COL23A1: variants seen among roughly 807,000 people sequenced by gnomAD.
COL23A1 encodes collagen type XXIII alpha 1 chain.
In COL23A1, 97 loss-of-function variants were observed where a neutral mutation model predicts 99.3. That is an observed-to-expected ratio of 0.98 (90% confidence interval 0.83 to 1.16). COL23A1 has a LOEUF of 1.16. Ranked by LOEUF, COL23A1 falls within the 50% of genes most tolerant of loss-of-function variation. The probability of loss-of-function intolerance (pLI) is 0.00; values close to 1 mark genes in which losing one functional copy is unlikely to be tolerated. For synonymous variants in COL23A1, 320 were observed against 308.2 expected, an observed-to-expected ratio of 1.04 and a Z score of -0.40; for missense variants, 762 against 757.4, an observed-to-expected ratio of 1.01 and a Z score of -0.07.
intron 2 of COL23A1, among the ~76,000 whole-genome samples, chr5:178,553,169 TAAAA>T (rs55857926): frequency 3.0e-5 from 4 of 135,064 alleles, no homozygotes; most frequent in Non-Finnish European, 6.2e-5. Flanking sequence ...GATCCTATCT[TAAAA>T]AAAAAAAAAA....
intron 2 of COL23A1, among the ~76,000 whole-genome samples, chr5:178,425,376 C>T (rs778962357): frequency 3.3e-5 from 5 of 151,692 alleles, no homozygotes; most frequent in African/African-American, 7.3e-5. Context: ...GAGCCGAGAT[C>T]GCGCCACTGC....
Position 178,252,544 on chromosome 5 carries a change from C to T in COL23A1, c.1014G>A (p.Lys338=), listed in dbSNP as rs1371286031. ...ACCACATAGCTGCATCTGCACTGAC[C>T]TTGGCTCCAGGGATCCCTGGTGGCC... is the stretch of plus-strand genomic sequence containing the variant. ...PPGPPGIPGA[K]GELGLPGAPG... is the part of the protein sequence containing the mutation. Residue 338 remains lysine (K), a splice_region_variant and synonymous_variant, in exon 17 of 29, where the codon AAG becomes AAA. Transcript: ENST00000390654. The T allele has an allele frequency of 6.2e-7, 1 of 1,611,508 alleles. No individual in the cohort carries two copies. Among genetic ancestry groups the T allele is most frequent in the South Asian group, 1.1e-5 (1 of 90,272 alleles).
In COL23A1 at chr5:178,358,211, GTA is replaced by G. The variant is rs567566045; in HGVS notation, c.362-51294_362-51293del. 1.8e-3 allele frequency among the ~76,000 whole-genome samples: 195 copies of G among 109,982 alleles called. 3 individuals are homozygous for G. Among genetic ancestry groups the G allele is most frequent in the African/African-American group, 4.4e-3 (131 of 29,830 alleles). The allele number at this position is 109,982 out of a possible 152,430, so 72.2% of individuals were successfully genotyped here. ...TGTATGTGTGTGCATGTGTACGTGT[GTA>G]TGTGTGTCTAATGTGTGTATGTGTG... is the stretch of plus-strand genomic sequence containing the variant. On this transcript the variant is annotated intron_variant, in intron 2 of 28. Transcript: ENST00000390654.
chr5:178,372,211 T>C (rs1762836236), intron 2 of COL23A1, among the ~76,000 whole-genome samples: 1 of 152,200 alleles, frequency 6.6e-6, no homozygotes, highest in Admixed American at 6.5e-5. Context: ...CAGCGGGGCG[T>C]GCTGGGAGGC....
rs141716044 is a variant in COL23A1 at position 178,477,872 on chromosome 5, G to A, written c.361+82810C>T. 2.9e-3 allele frequency among the ~76,000 whole-genome samples: 440 copies of A among 152,320 alleles called. 3 individuals carry two copies. Among genetic ancestry groups the A allele is most frequent in the African/African-American group, 9.8e-3 (407 of 41,564 alleles). On this transcript the variant is annotated intron_variant, in intron 2 of 28. Coordinates refer to ENST00000390654, the MANE Select transcript of COL23A1 (RefSeq NM_173465.4). ...TGCCACTCTGATGCTTGCGAGAGCC[G>A]TAGGAGGTAGGAGTGATTGACCCCA... is the stretch of plus-strand genomic sequence containing the variant.
At chr5:178,526,790 C>T (rs1306018179) in intron 2 of COL23A1, among the ~76,000 whole-genome samples, 2 of 152,202 alleles carry the variant, frequency 1.3e-5, no homozygotes, top group African/African-American at 4.8e-5. Context: ...CCCTCAGCCT[C>T]ACTCCTCTGC....
intron 5 of COL23A1, among the ~76,000 whole-genome samples, chr5:178,278,006 G>T (rs1756686679): frequency 6.6e-6 from 1 of 152,316 alleles, no homozygotes; most frequent in African/African-American, 2.4e-5. Flanking sequence ...CTGGTGGAAG[G>T]AAGTCTGGGG....
intron 2 of COL23A1, among the ~76,000 whole-genome samples, chr5:178,458,784 G>A (rs1369113974): frequency 6.6e-6 from 1 of 152,132 alleles, no homozygotes; most frequent in Non-Finnish European, 1.5e-5. Context: ...AGCAGTGAAC[G>A]TCACAAAAAG....
chr5:178,304,225 C>T (rs556533268), intron 3 of COL23A1, among the ~76,000 whole-genome samples: 80 of 152,276 alleles, frequency 5.3e-4, no homozygotes, highest in African/African-American at 1.8e-3. Context: ...AAGAGCCTTT[C>T]TCTGTGGGCG....
Position 178,288,704 on chromosome 5 carries a change from C to T in COL23A1, c.415-354G>A, listed in dbSNP as rs1260629894. ...CGACCAACCAGGAACTGAAAATGCT[C>T]CTTAAACTAGGCCTGGAAGAGAGCC... On this transcript the variant is annotated intron_variant, in intron 4 of 28. Transcript: ENST00000390654. Among the ~76,000 whole-genome samples the T allele has an allele frequency of 2.0e-5, 3 of 152,332 alleles. No individual in the cohort carries two copies. The East Asian group carries it at 5.8e-4, about 29-fold the overall frequency.
At chr5:178,312,276 A>G (rs1007476158) in intron 2 of COL23A1, among the ~76,000 whole-genome samples, 1 of 152,120 alleles carries the variant, frequency 6.6e-6, no homozygotes, top group South Asian at 2.1e-4. Context: ...AGGTTTCTCA[A>G]TGAAATTTCA....
intron 2 of COL23A1, among the ~76,000 whole-genome samples, chr5:178,517,556 A>G (rs1562044770): frequency 3.6e-5 from 2 of 55,164 alleles, no homozygotes; most frequent in Non-Finnish European, 5.8e-5. Flanking sequence ...CGGTGACAGC[A>G]GTTTTTTTTT....
At chr5:178,358,264 G>GTGTGTATGTATA (rs1237448233) in intron 2 of COL23A1, among the ~76,000 whole-genome samples, 16,967 of 143,516 alleles carry the variant, frequency 0.12, 1,615 homozygotes, top group Non-Finnish European at 0.13. Flanking sequence ...GTATGTATAT[G>GTGTGTATGTATA]TGTGTATATG....
chr5:178,355,578 G>GAACC (rs1761597750), intron 2 of COL23A1, among the ~76,000 whole-genome samples: 1 of 152,134 alleles, frequency 6.6e-6, no homozygotes, highest in Admixed American at 6.5e-5. Context: ...TGTTGCCCAG[G>GAACC]CTGGAGTGCA....
intron 3 of COL23A1, among the ~76,000 whole-genome samples, chr5:178,297,023 C>T (rs1472211006): frequency 6.6e-6 from 1 of 152,258 alleles, no homozygotes; most frequent in Non-Finnish European, 1.5e-5. Flanking sequence ...AACTCCTGGC[C>T]CAGCCTTCCT....
chr5:178,358,417 ATG>A (rs879041871), intron 2 of COL23A1, among the ~76,000 whole-genome samples: 2,335 of 111,550 alleles, frequency 0.021, 56 homozygotes, highest in African/African-American at 0.068. Flanking sequence ...GTGTATGTGT[ATG>A]TGTGTGTATG....
chr5:178,304,117 G>C (rs1383694221), intron 3 of COL23A1, among the ~76,000 whole-genome samples: 1 of 152,194 alleles, frequency 6.6e-6, no homozygotes, highest in Non-Finnish European at 1.5e-5. Flanking sequence ...GGGAACTAGG[G>C]AGGCTACTGC....
intron 2 of COL23A1, among the ~76,000 whole-genome samples, chr5:178,514,975 A>C (rs887868076): frequency 6.6e-6 from 1 of 152,220 alleles, no homozygotes; most frequent in Non-Finnish European, 1.5e-5. Flanking sequence ...TTATATTTAG[A>C]GCTATTTCCC....
At chr5:178,412,544 C>A (rs1765106024) in intron 2 of COL23A1, among the ~76,000 whole-genome samples, 2 of 152,148 alleles carry the variant, frequency 1.3e-5, no homozygotes, top group Non-Finnish European at 2.9e-5. Context: ...TTCTTTACTT[C>A]TCTACCCCTT....
Sources: allele counts gnomAD v4.1 joint callset (sites outside exome capture counted in the v4.1 genomes callset), GRCh38; gene constraint gnomAD v4.1.1; transcripts MANE v1.5; gene names NCBI Gene and HGNC (gene_info 2026-07-23, HGNC 2026-07-21).